Variants in VWA7 observed in about 807,000 individuals in gnomAD.
VWA7 encodes von Willebrand factor A domain-containing protein 7.
In VWA7, 66 loss-of-function variants were observed where a neutral mutation model predicts 83.1. That is an observed-to-expected ratio of 0.79 (90% CI 0.65 to 0.98). The LOEUF is 0.98. Ranked by LOEUF, VWA7 falls within the 50% of genes least tolerant of loss-of-function variation. VWA7 has a pLI of 0.00. For synonymous variants in VWA7, 424 were observed against 488.5 expected, an observed-to-expected ratio of 0.87 and a Z score of 1.74; for missense variants, 1,080 against 1,160.2, an observed-to-expected ratio of 0.93 and a Z score of 1.00.
In VWA7 at chr6:31,769,634, C is replaced by T. The variant is rs1811973247; in HGVS notation, c.1317+41G>A. On this transcript the variant is annotated intron_variant, in intron 9 of 16. Transcript: ENST00000375688. This position sits in a 1 kb window ranked among gnomAD's most constrained non-coding sequence, Gnocchi z 4.5. ...TTGTCATCACAGGGTCTCTCACATC[C>T]CTGGGAGGCTAACACTGGGTCTCCC... 1 of 1,548,744 alleles carries T rather than the reference C, an allele frequency of 6.5e-7. No homozygotes were observed. The highest frequency in any genetic ancestry group is 2.2e-5 in the East Asian group (1 of 44,540).
At chr6:31,770,217 A>G in intron 7 of VWA7, 104 bp from the exon 8 acceptor site, 1 of 851,898 alleles carries the variant, frequency 1.2e-6, no homozygotes, top group Non-Finnish European at 1.9e-6. Flanking sequence ...TCTGGAGCCG[A>G]CAGGTATTGA....
rs1027373911 is a variant in VWA7 at position 31,775,885 on chromosome 6, GGCACCATAGGACGC to G, written c.513+65_513+78del. The G allele has an allele frequency of 2.6e-6, 4 of 1,519,728 alleles. No individual in the cohort carries two copies. The highest frequency in any genetic ancestry group is 3.5e-6 in the Non-Finnish European group (4 of 1,136,370). The allele number at this position is 1,519,728 out of a possible 1,614,324, so 94.1% of individuals were successfully genotyped here. On this transcript the variant is annotated intron_variant, in intron 3 of 16. Transcript: ENST00000375688. The surrounding 1 kb of genome is among the most constrained non-coding windows in gnomAD (Gnocchi z 5.9). ...AGAGTGGAGGAGACATGATCAAGAA[GGCACCATAGGACGC>G]GCTCCATCCCGGACAGGCACGGAAG...
chr6:31,776,709 G>A lies in VWA7; in HGVS notation c.71C>T (p.Pro24Leu). The A allele has an allele frequency of 6.7e-7, 1 of 1,501,072 alleles. No individual in the cohort carries two copies. Among genetic ancestry groups the A allele is most frequent in the South Asian group, 1.3e-5 (1 of 78,046 alleles). The allele number at this position is 1,501,072 out of a possible 1,614,324, so 93.0% of individuals were successfully genotyped here. Residue 24 changes from proline to leucine, a missense_variant, in exon 2 of 17, where the codon CCC becomes CTC. Coordinates refer to ENST00000375688, the MANE Select transcript of VWA7 (RefSeq NM_025258.3). This position sits in a 1 kb window ranked among gnomAD's most constrained non-coding sequence, Gnocchi z 6.2. ...GTTGGGGAAGAAGGCAGATGTGGGG[G>A]GCAGCAACAGCTGCAGCAGAAGCAA... Reference protein sequence around the residue: ...SALLLLQLLLPPTSAFFPNIW... With the variant: ...SALLLLQLLLLPTSAFFPNIW...
Position 31,776,041 on chromosome 6 carries a change from C to T in VWA7, c.436G>A (p.Glu146Lys). ...GRARLVGALR[E>K]TVVAARALDH... ...AGGGCCCTGGCTGCCACCACGGTCTCCCGCAGAGCCCCTACCAGGCGCGCG... is the reference window on the plus strand; with the variant it reads ...AGGGCCCTGGCTGCCACCACGGTCTTCCGCAGAGCCCCTACCAGGCGCGCG... The change falls in exon 3 of 17, where the codon GAG (glutamate) becomes AAG (lysine). Residue 146 changes from glutamate (E) to lysine (K), a missense_variant. By Grantham distance (56) the Glu-to-Lys change is moderately conservative. Transcript: ENST00000375688. The surrounding 1 kb of genome is among the most constrained non-coding windows in gnomAD (Gnocchi z 6.2). The T allele has an allele frequency of 1.2e-6, 2 of 1,613,670 alleles. No homozygotes were observed. The highest frequency in any genetic ancestry group is 1.7e-6 in the Non-Finnish European group (2 of 1,180,000).
At position 31,767,232 on chromosome 6, in the gene VWA7, A is replaced by T; in HGVS notation, c.1808T>A (p.Phe603Tyr). The T allele has an allele frequency of 1.9e-6, 3 of 1,607,016 alleles. No individual in the cohort carries two copies. Among genetic ancestry groups the T allele is most frequent in the Non-Finnish European group, 2.5e-6 (3 of 1,177,638 alleles). Residue 603 changes from phenylalanine (F) to tyrosine (Y), a missense_variant, in exon 13 of 17, where the codon TTC becomes TAC. Phe to Tyr is a conservative substitution (Grantham distance 22). Transcript: ENST00000375688. ...CATGGGGATCCCAAAGTGGAAGAGG[A>T]AGTCCAGGGAGGTCTGGGCTGGGAA... ...VRVQAQTSLDFLFHFGIPMED... is the reference protein window; with the variant it reads ...VRVQAQTSLDYLFHFGIPMED...
At chr6:31,772,507 G>A (rs1421234854) in intron 7 of VWA7, among the ~76,000 whole-genome samples, 3 of 148,598 alleles carry the variant, frequency 2.0e-5, no homozygotes, top group Admixed American at 6.7e-5. Flanking sequence ...TACAGGAAGT[G>A]CCACCCCGAG....
chr6:31,776,560 G>A lies in VWA7; in HGVS notation c.220C>T (p.Leu74Phe). The A allele has an allele frequency of 6.5e-7, 1 of 1,547,948 alleles. No homozygotes were observed. The change falls in exon 2 of 17, where the codon CTT becomes TTT. Residue 74 changes from leucine to phenylalanine, a missense_variant. Coordinates refer to ENST00000375688, the MANE Select transcript of VWA7 (RefSeq NM_025258.3). This position sits in a 1 kb window ranked among gnomAD's most constrained non-coding sequence, Gnocchi z 6.2. ...QPPPGRPPLR[L>F]EDFLGRTLLA... is the part of the protein sequence containing the mutation. The stretch of plus-strand genomic sequence containing the variant: ...GGGATGCTCACCAGGAAGTCCTCAA[G>A]ACGAAGAGGGGGGCGGCCTGGGGGT...
In VWA7 at chr6:31,775,092, G is replaced by A. The variant is rs1245623317; in HGVS notation, c.610+241C>T. Among the ~76,000 whole-genome samples, 1 of 152,130 alleles carries A rather than the reference G, an allele frequency of 6.6e-6. No homozygotes were observed. Among genetic ancestry groups the A allele is most frequent in the Non-Finnish European group, 1.5e-5 (1 of 68,028 alleles). ...GAGAAGGCCCCATGGGAGTCAGTGC[G>A]GGGAGGAAGCCACACTTAAGACGGG... On this transcript the variant is annotated intron_variant, in intron 4 of 16. Transcript: ENST00000375688. This position sits in a 1 kb window ranked among gnomAD's most constrained non-coding sequence, Gnocchi z 5.9.
Position 31,769,591 on chromosome 6 carries a change from G to T in VWA7, c.1317+84C>A. 2 of 1,304,606 alleles carry T rather than the reference G, an allele frequency of 1.5e-6. No homozygotes were observed. The highest frequency in any genetic ancestry group is 2.2e-6 in the Non-Finnish European group (2 of 908,872). The allele number at this position is 1,304,606 out of a possible 1,614,324, so 80.8% of individuals were successfully genotyped here. A position where few individuals can be genotyped will look rare whatever the true frequency, so the allele number is the denominator to read the frequency against. Reference sequence around the variant, plus strand: ...GCTTGTTGGGCCACCATAGTGTGGTGCAACCCTCGTTATGAGATTGTCATC... The same window carrying T: ...GCTTGTTGGGCCACCATAGTGTGGTTCAACCCTCGTTATGAGATTGTCATC... On this transcript the variant is annotated intron_variant, in intron 9 of 16. Coordinates refer to ENST00000375688, the MANE Select transcript of VWA7 (RefSeq NM_025258.3). This position sits in a 1 kb window ranked among gnomAD's most constrained non-coding sequence, Gnocchi z 4.5.
Position 31,775,413 on chromosome 6 carries a change from CTA to C in VWA7, c.528_529del (p.His176GlnfsTer68). ...CTGCTCGCCCAGCTCCACCCAGTTG[CTA>C]TGACTGTAGAAATCCTGGTCCGGAG... On this transcript the variant is annotated frameshift_variant, in exon 4 of 17. Coordinates refer to ENST00000375688, the MANE Select transcript of VWA7 (RefSeq NM_025258.3). LOFTEE classifies it high-confidence loss of function. This position sits in a 1 kb window ranked among gnomAD's most constrained non-coding sequence, Gnocchi z 5.9. 6.2e-7 allele frequency: 1 copy of C among 1,612,364 alleles called. No individual in the cohort carries two copies. Among genetic ancestry groups the C allele is most frequent in the Non-Finnish European group, 8.5e-7 (1 of 1,179,684 alleles).
chr6:31,776,460 T>C lies in VWA7; in HGVS notation c.234+86A>G. 2 of 1,329,496 alleles carry C rather than the reference T, an allele frequency of 1.5e-6. No individual in the cohort carries two copies. Among genetic ancestry groups the C allele is most frequent in the Non-Finnish European group, 2.0e-6 (2 of 982,840 alleles). The allele number at this position is 1,329,496 out of a possible 1,614,324, so 82.4% of individuals were successfully genotyped here. A position where few individuals can be genotyped will look rare whatever the true frequency, so the allele number is the denominator to read the frequency against. ...GGGGTGGGGCCATGGGTGTCTCTTC[T>C]CTTGGCAACCAGAGCCCTCAAGGAG... On this transcript the variant is annotated intron_variant, in intron 2 of 16. Coordinates refer to ENST00000375688, the MANE Select transcript of VWA7 (RefSeq NM_025258.3). The surrounding 1 kb of genome is among the most constrained non-coding windows in gnomAD (Gnocchi z 6.2).
Position 31,773,122 on chromosome 6 carries a change from G to T in VWA7, c.919C>A (p.Leu307Met). 1 of 1,610,366 alleles carries T rather than the reference G, an allele frequency of 6.2e-7. No individual in the cohort carries two copies. The change falls in exon 7 of 17, where the codon CTG becomes ATG. Residue 307 changes from leucine to methionine, a missense_variant and splice_region_variant. By Grantham distance (15) the Leu-to-Met change is conservative. Coordinates refer to ENST00000375688, the MANE Select transcript of VWA7 (RefSeq NM_025258.3). The surrounding 1 kb of genome is among the most constrained non-coding windows in gnomAD (Gnocchi z 5.3). ...CTGGAGGCTGGGGTGATGTCCAGCAGCCTGGGGAGCAAGCCAGAGACACAG... is the reference window on the plus strand; with the variant it reads ...CTGGAGGCTGGGGTGATGTCCAGCATCCTGGGGAGCAAGCCAGAGACACAG... Reference protein sequence around the residue: ...SRLGDRDFSRLLDITPASSLS... With the variant: ...SRLGDRDFSRMLDITPASSLS...
Position 31,773,498 on chromosome 6 carries a change from T to C in VWA7, c.722-61A>G. Reference sequence around the variant, plus strand: ...AAAAACCCACTGCCTCCTAAGAAAATGAGGCCCTTTCAGGCCTGGCCTGAC... The same window carrying C: ...AAAAACCCACTGCCTCCTAAGAAAACGAGGCCCTTTCAGGCCTGGCCTGAC... On this transcript the variant is annotated intron_variant, in intron 5 of 16. Coordinates refer to ENST00000375688, the MANE Select transcript of VWA7 (RefSeq NM_025258.3). This position sits in a 1 kb window ranked among gnomAD's most constrained non-coding sequence, Gnocchi z 5.3. 6.9e-7 allele frequency: 1 copy of C among 1,456,088 alleles called. No individual in the cohort carries two copies. The allele number at this position is 1,456,088 out of a possible 1,614,324, so 90.2% of individuals were successfully genotyped here.
At position 31,770,042 on chromosome 6, in the gene VWA7, C is replaced by G. The variant is rs139629177; in HGVS notation, c.1159G>C (p.Gly387Arg). The change falls in exon 8 of 17, where the codon GGG (glycine) becomes CGG (arginine). Residue 387 changes from glycine to arginine, a missense_variant. Coordinates refer to ENST00000375688, the MANE Select transcript of VWA7 (RefSeq NM_025258.3). ...CACATCTCAGGCTCGTCTCCACCCC[C>G]CAAGGCATGGATCTCATTAAGCTGT... The part of the protein sequence containing the change: ...WQQLNEIHAL[G>R]GGDEPEMCLS... 460 of 1,612,882 alleles carry G rather than the reference C, an allele frequency of 2.9e-4. No individual in the cohort carries two copies. The highest frequency in any genetic ancestry group is 3.7e-4 in the African/African-American group (28 of 74,960).
In VWA7 at chr6:31,769,616, C is replaced by T. The variant is rs1811972087; in HGVS notation, c.1317+59G>A. 3 of 1,475,946 alleles carry T rather than the reference C, an allele frequency of 2.0e-6. No homozygotes were observed. Among genetic ancestry groups the T allele is most frequent in the Non-Finnish European group, 2.8e-6 (3 of 1,057,884 alleles). The allele number at this position is 1,475,946 out of a possible 1,614,324, so 91.4% of individuals were successfully genotyped here. A position where few individuals can be genotyped will look rare whatever the true frequency, so the allele number is the denominator to read the frequency against. On this transcript the variant is annotated intron_variant, in intron 9 of 16. Coordinates refer to ENST00000375688, the MANE Select transcript of VWA7 (RefSeq NM_025258.3). The surrounding 1 kb of genome is among the most constrained non-coding windows in gnomAD (Gnocchi z 4.5). ...GCAACCCTCGTTATGAGATTGTCAT[C>T]ACAGGGTCTCTCACATCCCTGGGAG... is the stretch of plus-strand genomic sequence containing the variant.
In VWA7 at chr6:31,767,174, C is replaced by T; in HGVS notation, c.1866G>A (p.Leu622=). Residue 622 remains leucine (L), a synonymous_variant, in exon 13 of 17, where the codon CTG becomes CTA. Transcript: ENST00000375688. ...TAAATGTACCTGCAACTGGCTGAGT[C>T]AGGGGGTAGAGGCCAGGGTGGGGTC... is the stretch of plus-strand genomic sequence containing the variant. ...EDGPHPGLYP[L]TQPVAGLQTQ... The T allele has an allele frequency of 6.5e-7, 1 of 1,532,862 alleles. No individual in the cohort carries two copies. The highest frequency in any genetic ancestry group is 1.7e-4 in the Middle Eastern group (1 of 5,746). 95.0% of individuals were successfully genotyped at this position (1,532,862 alleles called of 1,614,324 possible).
chr6:31,774,669 C>A (rs1356367431), intron 4 of VWA7, 43 bp from the exon 5 acceptor site: 2 of 1,547,358 alleles, frequency 1.3e-6, no homozygotes, highest in Non-Finnish European at 1.8e-6. Context: ...TTCTGCCACC[C>A]CCAGCCTTTA....
rs1812416384 is a variant in VWA7, at chr6:31,773,656, G to A, written c.722-219C>T. Among the ~76,000 whole-genome samples the A allele has an allele frequency of 6.6e-6, 1 of 152,168 alleles. No individual in the cohort carries two copies. The highest frequency in any genetic ancestry group is 1.5e-5 in the Non-Finnish European group (1 of 68,038). On this transcript the variant is annotated intron_variant, in intron 5 of 16. Transcript: ENST00000375688. This position sits in a 1 kb window ranked among gnomAD's most constrained non-coding sequence, Gnocchi z 5.3. ...GAGATCAGGAGTTCAAGACCAGCCT[G>A]GCCAACATGGTGAAGCTCTGTTTCT...
At chr6:31,770,424 T>TC (rs939131138) in intron 7 of VWA7, among the ~76,000 whole-genome samples, 2 of 150,028 alleles carry the variant, frequency 1.3e-5, no homozygotes, top group African/African-American at 4.9e-5. Flanking sequence ...GCCCGTAGCC[T>TC]CCCCAGTAGC....
Sources: allele counts gnomAD v4.1 joint callset (sites outside exome capture counted in the v4.1 genomes callset), GRCh38; gene constraint gnomAD v4.1.1; non-coding constraint Gnocchi (gnomAD v3.1); transcripts MANE v1.5; gene names NCBI Gene and HGNC (gene_info 2026-07-23, HGNC 2026-07-21).